Variants in ACADVL observed in about 807,000 individuals in gnomAD.
ACADVL encodes very long-chain acyl-CoA dehydrogenase, mitochondrial.
Under a neutral mutation model 80.4 loss-of-function variants are expected in ACADVL, and 73 were observed. The observed-to-expected ratio is 0.91, with a 90% CI of 0.75 to 1.10. The LOEUF (loss-of-function observed/expected upper bound fraction) is 1.10. Among genes scored for constraint, ACADVL ranks in the 50% least tolerant of loss-of-function variants. The probability of loss-of-function intolerance (pLI) is 0.00; values close to 1 mark genes in which losing one functional copy is unlikely to be tolerated. For synonymous variants in ACADVL, 392 were observed against 326.5 expected, an observed-to-expected ratio of 1.20 and a Z score of -2.16; for missense variants, 878 against 858.9, an observed-to-expected ratio of 1.02 and a Z score of -0.28.
At chr17:7,219,771 G>T, upstream of ACADVL, 2 of 1,484,678 alleles carry the variant, frequency 1.3e-6, no homozygotes, top group Non-Finnish European at 1.8e-6. Flanking sequence ...GAGTTTGGGG[G>T]AGACGAGGGA....
chr17:7,217,537 A>G, upstream of ACADVL: 1 of 252,534 alleles, frequency 4.0e-6, no homozygotes, highest in Non-Finnish European at 4.5e-6. Context: ...GCCAGGGGCT[A>G]GGGGCCGTGG....
upstream of ACADVL, chr17:7,219,787 G>A (rs2071091765): frequency 5.3e-6 from 8 of 1,503,516 alleles, no homozygotes; most frequent in Non-Finnish European, 6.2e-6. Flanking sequence ...AGGGACGCTT[G>A]GAGATCCCTC....
rs772999007 is a variant in ACADVL, at chr17:7,222,057, T to A, written c.728T>A (p.Leu243His). ...VPSPCGKYYT[L>H]NGSKLWISNG... Reference sequence around the variant, plus strand: ...AGCCCCTGTGGAAAATACTATACCCTCAATGGAAGCAAGCTTTGGATCAGG... The same window carrying A: ...AGCCCCTGTGGAAAATACTATACCCACAATGGAAGCAAGCTTTGGATCAGG... The change falls in exon 8 of 20, where the codon CTC becomes CAC. Residue 243 changes from leucine (L) to histidine (H), a missense_variant. By Grantham distance (99) the Leu-to-His change is moderately conservative (BLOSUM62 -3). Coordinates refer to ENST00000356839, the MANE Select transcript of ACADVL (RefSeq NM_000018.4). The A allele has an allele frequency of 3.1e-6, 5 of 1,614,056 alleles. No individual in the cohort carries two copies. In the Admixed American group the frequency reaches 5.0e-5, roughly 16 times the overall value.
At chr17:7,223,417 C>T (rs1386348622) in intron 11 of ACADVL, 180 bp downstream of exon 11, 1 of 805,604 alleles carries the variant, frequency 1.2e-6, no homozygotes, top group Non-Finnish European at 2.2e-6. Flanking sequence ...TGATGTTCTG[C>T]TCAGGTGCCT....
At position 7,224,993 on chromosome 17, in the gene ACADVL, C is replaced by T. The variant is rs1555529172; in HGVS notation, c.1864C>T (p.Gln622Ter). The T allele has an allele frequency of 6.2e-7, 1 of 1,614,138 alleles. No individual in the cohort carries two copies. The highest frequency in any genetic ancestry group is 1.3e-5 in the African/African-American group (1 of 75,056). ...GATCCGAGAGGGCATGGCCGCCCTG[C>T]AGTCTGACCCCTGGCAGCAAGAGCT... ...ARIREGMAALQSDPWQQELYR... is the reference protein window; with the variant it reads ...ARIREGMAAL Residue 622 changes from glutamine (Q) to a stop codon, truncating the protein, a stop_gained, in exon 20 of 20, where the codon CAG (glutamine) becomes TAG (stop). Transcript: ENST00000356839. LOFTEE classifies it high-confidence loss of function.
At chr17:7,218,364 G>A, upstream of ACADVL, 1 of 1,493,768 alleles carries the variant, frequency 6.7e-7, no homozygotes, top group Non-Finnish European at 9.2e-7. Context: ...CTGCTGGCTG[G>A]CTGGCAAGGG....
chr17:7,219,362 G>C, upstream of ACADVL: 1 of 1,004,880 alleles, frequency 1.0e-6, no homozygotes, highest in South Asian at 3.8e-5. Flanking sequence ...AGGTCTCAGA[G>C]GCTTTACTAA....
chr17:7,221,730 G>C, intron 7 of ACADVL, 48 bp downstream of exon 7: 2 of 1,612,904 alleles, frequency 1.2e-6, no homozygotes, highest in Non-Finnish European at 1.7e-6. Flanking sequence ...CACTGGGCTT[G>C]GCACAGATTA....
upstream of ACADVL, chr17:7,217,589 G>GGGAGCCGT: frequency 7.1e-7 from 1 of 1,402,070 alleles, no homozygotes; most frequent in African/African-American, 1.5e-5. Context: ...CAGCGGCCGA[G>GGGAGCCGT]GGAGCCGTGG....
upstream of ACADVL, chr17:7,217,195 G>A (rs897369799): frequency 4.2e-5 from 53 of 1,267,118 alleles, no homozygotes; most frequent in Non-Finnish European, 5.0e-5. Flanking sequence ...TGACTTCATC[G>A]GAGTTTCGTT....
intron 9 of ACADVL, 33 bp from the exon 10 acceptor site, chr17:7,222,634 A>G: frequency 1.3e-6 from 2 of 1,586,336 alleles, no homozygotes; most frequent in South Asian, 2.3e-5. Flanking sequence ...CCTGTTGAAC[A>G]CACCTCTGCT....
chr17:7,221,819 G>A, intron 7 of ACADVL, 133 bp from the exon 8 acceptor site: 6 of 1,586,468 alleles, frequency 3.8e-6, no homozygotes, highest in Admixed American at 3.4e-5. Context: ...ACAGTGTGCT[G>A]GTTGGGACAT....
intron 11 of ACADVL, 147 bp downstream of exon 11, chr17:7,223,384 G>A (rs1195924269): frequency 1.1e-6 from 1 of 876,586 alleles, no homozygotes; most frequent in South Asian, 1.4e-5. Context: ...AGTCAGCTCA[G>A]CTTCTGCGAA....
At chr17:7,220,091 CG>C (rs749444750) in intron 1 of ACADVL, 30 bp from the exon 2 acceptor site, 1 of 1,592,076 alleles carries the variant, frequency 6.3e-7, no homozygotes, top group Non-Finnish European at 8.5e-7. Context: ...CCCTGGGCAC[CG>C]GGCCGGCACT....
At position 7,221,165 on chromosome 17, in the gene ACADVL, C is replaced by G. The variant is rs145289505; in HGVS notation, c.477+107C>G. ...TAGGGCTAAGGTCTCTTCTAAGCAC[C>G]TGCCCTGGGTGCCTGTGGGATGGAT... is the stretch of plus-strand genomic sequence containing the variant. On this transcript the variant is annotated intron_variant, in intron 6 of 19. Transcript: ENST00000356839. 22 of 1,570,692 alleles carry G rather than the reference C, an allele frequency of 1.4e-5. No individual in the cohort carries two copies. The African/African-American group carries it at 2.4e-4, about 17-fold the overall frequency.
upstream of ACADVL, chr17:7,218,581 GAGTGGGGGTGCCCACCGCAGC>G (rs1567556878): frequency 1.3e-6 from 2 of 1,566,592 alleles, no homozygotes; most frequent in Non-Finnish European, 1.7e-6. Context: ...GCACTGTGAG[GAGTGGGGGTGCCCACCGCAGC>G]AGTGGGGGTG....
At chr17:7,219,922 G>T (rs550196368), upstream of ACADVL, 2 of 1,457,292 alleles carry the variant, frequency 1.4e-6, no homozygotes, top group East Asian at 2.5e-5. Context: ...GCCAGGACGT[G>T]GGCGTGCAGG....
Position 7,225,028 on chromosome 17 carries a change from C to T in ACADVL, c.1899C>T (p.Asn633=), listed in dbSNP as rs2142991198. Residue 633 remains asparagine, a synonymous_variant, in exon 20 of 20, where the codon AAC becomes AAT. Coordinates refer to ENST00000356839, the MANE Select transcript of ACADVL (RefSeq NM_000018.4). ...CCTGGCAGCAAGAGCTCTACCGCAA[C>T]TTCAAAAGCATCTCCAAGGCCTTGG... The part of the protein sequence containing the change: ...SDPWQQELYR[N]FKSISKALVE... 6.2e-7 allele frequency: 1 copy of T among 1,614,172 alleles called. No homozygotes were observed. The highest frequency in any genetic ancestry group is 1.6e-4 in the Middle Eastern group (1 of 6,062).
intron 9 of ACADVL, 32 bp downstream of exon 9, chr17:7,222,334 C>T: frequency 6.2e-7 from 1 of 1,609,886 alleles, no homozygotes; most frequent in Non-Finnish European, 8.5e-7. Context: ...GAGCTTAGGA[C>T]TGAGGGGCAG....
Sources: gnomAD v4.1 joint callset for allele counts on GRCh38, gnomAD v4.1.1 for gene constraint, MANE v1.5 for transcripts, NCBI Gene and HGNC (gene_info 2026-07-23, HGNC 2026-07-21) for gene names.